F5: variants seen among roughly 807,000 people sequenced by gnomAD.
F5 encodes the protein activated protein c cofactor.
A neutral mutation model predicts 216.4 loss-of-function variants in F5; 138 were observed. The ratio of observed to expected loss-of-function variants is 0.64; its 90% CI spans 0.56 to 0.73. The LOEUF (loss-of-function observed/expected upper bound fraction) is 0.73, where lower values mean the gene tolerates loss of function less well. Ranked by LOEUF, F5 falls within the 30% of genes least tolerant of loss-of-function variation. The probability of loss-of-function intolerance (pLI) is 0.00; values close to 1 mark genes in which losing one functional copy is unlikely to be tolerated. For missense variants in F5, 2,403 were observed against 2,674.0 expected, an observed-to-expected ratio of 0.90 and a Z score of 2.24; for synonymous variants, 916 against 930.7, an observed-to-expected ratio of 0.98 and a Z score of 0.29.
At chr1:169,527,739 A>C (rs1429302929) in intron 17 of F5, among the ~76,000 whole-genome samples, 176 bp downstream of exon 17, 1 of 152,172 alleles carries the variant, frequency 6.6e-6, no homozygotes, top group African/African-American at 2.4e-5. Flanking sequence ...AAATTAGGTG[A>C]CATTTTTGTA....
intron 3 of F5, 72 bp from the exon 4 acceptor site, chr1:169,560,838 G>A: frequency 7.2e-7 from 1 of 1,382,260 alleles, no homozygotes; most frequent in Non-Finnish European, 1.0e-6. Flanking sequence ...CTCAAATCTG[G>A]GGATAGCTAA....
chr1:169,563,274 A>G (rs984905703), intron 3 of F5, among the ~76,000 whole-genome samples: 5 of 152,014 alleles, frequency 3.3e-5, no homozygotes, highest in African/African-American at 1.2e-4. Context: ...ACTGGTTTCC[A>G]GCAACTTGAT....
chr1:169,551,433 G>C (rs1224310800), intron 8 of F5, among the ~76,000 whole-genome samples: 1 of 152,202 alleles, frequency 6.6e-6, no homozygotes, highest in African/African-American at 2.4e-5. Context: ...CTGGGTGACA[G>C]AGTAAGACCC....
chr1:169,567,378 T>C (rs1391339373), intron 3 of F5, among the ~76,000 whole-genome samples: 2 of 138,112 alleles, frequency 1.4e-5, no homozygotes, highest in African/African-American at 5.1e-5. Flanking sequence ...AAACTTAAAG[T>C]ATAATAAAAA....
At chr1:169,544,544 T>C (rs758225966) in intron 11 of F5, 36 bp from the exon 12 acceptor site, 9 of 1,574,432 alleles carry the variant, frequency 5.7e-6, no homozygotes, top group Non-Finnish European at 7.8e-6. Flanking sequence ...TCCAAGTCTA[T>C]GCCAACAAAA....
At chr1:169,575,668 A>C (rs949533191) in intron 2 of F5, among the ~76,000 whole-genome samples, 4 of 152,132 alleles carry the variant, frequency 2.6e-5, no homozygotes, top group Non-Finnish European at 4.4e-5. Flanking sequence ...GATGTGGGGT[A>C]GAGAATAAAG....
At chr1:169,573,468 T>C (rs573049947) in intron 2 of F5, among the ~76,000 whole-genome samples, 15 of 151,996 alleles carry the variant, frequency 9.9e-5, no homozygotes, top group Admixed American at 3.3e-4. Flanking sequence ...ACGTGATGAG[T>C]AGTGGTTGGA....
intron 13 of F5, among the ~76,000 whole-genome samples, chr1:169,539,482 G>A (rs1407113882): frequency 6.6e-6 from 1 of 152,082 alleles, no homozygotes; most frequent in African/African-American, 2.4e-5. Context: ...TTCTCATGTG[G>A]TATTGAGTGC....
chr1:169,525,830 C>A, intron 18 of F5, 71 bp downstream of exon 18: 2 of 1,057,884 alleles, frequency 1.9e-6, no homozygotes, highest in South Asian at 2.5e-5. Context: ...TATTTCCAAT[C>A]TAAAAGTTGG....
At chr1:169,553,676 T>C (rs180745621) in intron 7 of F5, among the ~76,000 whole-genome samples, 17 of 152,262 alleles carry the variant, frequency 1.1e-4, no homozygotes, top group Admixed American at 7.8e-4. Context: ...GAGCAGAGAT[T>C]GCGCCACTGC....
In F5 at chr1:169,560,585, C is replaced by G; in HGVS notation, c.555G>C (p.Gly185=). The change falls in exon 4 of 25, where the codon GGG becomes GGC. Residue 185 remains glycine (G), a synonymous_variant. Transcript: ENST00000367797. ...HENLIEDFNS[G]LIGPLLICKK... ...TACAGATAAGCAGGGGCCCAATCAG[C>G]CCCGAGTTGAAATCCTCGATCAGAT... 6.2e-7 allele frequency: 1 copy of G among 1,613,656 alleles called. No homozygotes were observed. The highest frequency in any genetic ancestry group is 8.5e-7 in the Non-Finnish European group (1 of 1,179,748).
intron 3 of F5, among the ~76,000 whole-genome samples, chr1:169,562,545 C>G (rs1008567306): frequency 2.0e-5 from 3 of 151,342 alleles, no homozygotes; most frequent in Non-Finnish European, 4.4e-5. Context: ...GTCTTTATTC[C>G]TTTTCCCCTT....
chr1:169,542,685 T>G lies in F5; in HGVS notation c.2405A>C (p.Gln802Pro). The part of the protein sequence containing the change: ...AEPQKAPSHQ[Q>P]ATTAGSPLRH... ...CAGTGGGGAACCAGCTGTGGTGGCT[T>G]GTTGGTGAGAAGGGGCTTTCTGAGG... The change falls in exon 13 of 25, where the codon CAA becomes CCA. Residue 802 changes from glutamine (Q) to proline (P), a missense_variant. Gln to Pro is a moderately conservative substitution (Grantham distance 76). Transcript: ENST00000367797. 1 of 1,614,122 alleles carries G rather than the reference T, an allele frequency of 6.2e-7. No homozygotes were observed. The highest frequency in any genetic ancestry group is 8.5e-7 in the Non-Finnish European group (1 of 1,179,994).
Position 169,577,583 on chromosome 1 carries a change from ATATATATATATATATATATATG to A in F5, c.250+4826_250+4847del, listed in dbSNP as rs1159508906. Among the ~76,000 whole-genome samples, 95 of 106,570 alleles carry A rather than the reference ATATATATATATATATATATATG, an allele frequency of 8.9e-4. 2 individuals carry two copies. The highest frequency in any genetic ancestry group is 3.2e-3 in the African/African-American group (73 of 23,038). 69.9% of individuals were successfully genotyped at this position (106,570 alleles called of 152,430 possible). ...TAAATATATATATATATATATATAT[ATATATATATATATATATATATG>A]TATGTATTTTTTTAAATAGAAACAG... is the stretch of plus-strand genomic sequence containing the variant. On this transcript the variant is annotated intron_variant, in intron 2 of 24. Transcript: ENST00000367797.
At position 169,525,904 on chromosome 1, in the gene F5, T is replaced by C. The variant is rs1659433996; in HGVS notation, c.5713A>G (p.Arg1905Gly). 1 of 1,608,756 alleles carries C rather than the reference T, an allele frequency of 6.2e-7. No individual in the cohort carries two copies. The change falls in exon 18 of 25, where the codon AGA becomes GGA. Residue 1905 changes from arginine (R) to glycine (G), a missense_variant. Around this residue, in one of 4 missense-constraint regions of F5, gnomAD observed 659 missense variants for 787.9 expected, o/e 0.84. Transcript: ENST00000367797. ...TATCACATGGCTCTTGTGATACCTC[T>C]GTCCATGATAAGAAATGGCGTTTGC... ...GMQTPFLIMD[R>G]DCRMPMGLST... is the part of the protein sequence containing the mutation.
At chr1:169,567,819 A>G (rs1454142284) in intron 3 of F5, among the ~76,000 whole-genome samples, 1 of 152,094 alleles carries the variant, frequency 6.6e-6, no homozygotes, top group Non-Finnish European at 1.5e-5. Context: ...TCTAGGGTAC[A>G]TGTTGGTGCC....
chr1:169,545,870 G>A (rs1659986698), intron 11 of F5, among the ~76,000 whole-genome samples: 1 of 152,210 alleles, frequency 6.6e-6, no homozygotes, highest in African/African-American at 2.4e-5. Flanking sequence ...TGCCATGGCA[G>A]TGCTTTTGGC....
At position 169,540,695 on chromosome 1, in the gene F5, G is replaced by A; in HGVS notation, c.4395C>T (p.Tyr1465=). ...SPPPDLDQIF[Y]PSESSQSLLL... is the part of the protein sequence containing the mutation. ...GCAATGACTGACTAGATTCAGAAGG[G>A]TAGAATATCTGATCAAGGTCTGGAG... The change falls in exon 13 of 25, where the codon TAC becomes TAT. Residue 1465 remains tyrosine (Y), a synonymous_variant. Transcript: ENST00000367797. 1.2e-6 allele frequency: 2 copies of A among 1,614,038 alleles called. No individual in the cohort carries two copies. The highest frequency in any genetic ancestry group is 1.7e-6 in the Non-Finnish European group (2 of 1,179,958).
At chr1:169,582,589 AAGT>A in intron 1 of F5, 67 bp from the exon 2 acceptor site, 1 of 844,280 alleles carries the variant, frequency 1.2e-6, no homozygotes, top group South Asian at 1.5e-5. Context: ...ATTACAAAAA[AAGT>A]AGATCTCTCA....
Sources: gnomAD v4.1 joint callset for allele counts (sites outside exome capture counted in the v4.1 genomes callset) on GRCh38, gnomAD v4.1.1 for gene constraint, gnomAD v4.1.1 regional missense constraint, MANE v1.5 for transcripts, NCBI Gene and HGNC (gene_info 2026-07-23, HGNC 2026-07-21) for gene names.